DTHD1: variants seen among roughly 807,000 people sequenced by gnomAD.
The protein encoded by DTHD1 is death domain-containing protein 1.
A neutral mutation model predicts 74.8 loss-of-function variants in DTHD1; 59 were observed. The observed-to-expected ratio is 0.79, with a 90% CI of 0.64 to 0.98. The LOEUF is 0.98. Ranked by LOEUF, DTHD1 falls within the 50% of genes least tolerant of loss-of-function variation. The pLI, the probability that DTHD1 is intolerant of heterozygous loss-of-function variation, is 0.00. For synonymous variants in DTHD1, 365 were observed against 371.1 expected, an observed-to-expected ratio of 0.98 and a Z score of 0.19; for missense variants, 1,051 against 1,065.4, an observed-to-expected ratio of 0.99 and a Z score of 0.19.
chr4:36,336,270 T>C (rs913935702), intron 8 of DTHD1, among the ~76,000 whole-genome samples: 1 of 152,166 alleles, frequency 6.6e-6, no homozygotes, highest in Non-Finnish European at 1.5e-5. Flanking sequence ...ATATGCAACA[T>C]TAACATAAAA....
chr4:36,284,984 C>A (rs1755616587), intron 2 of DTHD1, among the ~76,000 whole-genome samples: 1 of 152,126 alleles, frequency 6.6e-6, no homozygotes, highest in Non-Finnish European at 1.5e-5. Context: ...GATTTCAATG[C>A]ATGAATTTTG....
At chr4:36,343,412 G>C in intron 9 of DTHD1, 90 bp from the exon 10 acceptor site, 5 of 1,252,868 alleles carry the variant, frequency 4.0e-6, no homozygotes, top group Non-Finnish European at 5.4e-6. Flanking sequence ...AAAGAGCAGG[G>C]AGACTTCCTA....
chr4:36,281,928 C>A lies in DTHD1; in HGVS notation c.170C>A (p.Ala57Asp). Residue 57 changes from alanine (A) to aspartate (D), a missense_variant, in exon 1 of 10, where the codon GCC becomes GAC. By Grantham distance (126) the Ala-to-Asp change is moderately radical (BLOSUM62 -2). Transcript: ENST00000639862. ...TTTCTGGGTCAGGAACTCAGCAGTG[C>A]CCTTCACCAGCTGCTGGAGCACACC... Reference protein sequence around the residue: ...VVFLGQELSSALHQLLEHTSG... With the variant: ...VVFLGQELSSDLHQLLEHTSG... 1 of 1,350,662 alleles carries A rather than the reference C, an allele frequency of 7.4e-7. No homozygotes were observed. The highest frequency in any genetic ancestry group is 9.6e-7 in the Non-Finnish European group (1 of 1,043,956). 83.7% of individuals were successfully genotyped at this position (1,350,662 alleles called of 1,614,324 possible).
chr4:36,314,648 G>T (rs143805018), intron 7 of DTHD1, among the ~76,000 whole-genome samples: 45 of 151,700 alleles, frequency 3.0e-4, no homozygotes, highest in African/African-American at 1.0e-3. Context: ...TGCCACTGTG[G>T]AGCTGTGTCA....
chr4:36,293,530 C>G lies in DTHD1; in HGVS notation c.1223C>G (p.Thr408Ser), dbSNP rs765224946. The change falls in exon 4 of 10, where the codon ACC becomes AGC. Residue 408 changes from threonine (T) to serine (S), a missense_variant. Thr to Ser is a moderately conservative substitution (Grantham distance 58). Transcript: ENST00000639862. ...LEGMKGGYKGTCASVKVYKLG... is the reference protein window; with the variant it reads ...LEGMKGGYKGSCASVKVYKLG... Reference sequence around the variant, plus strand: ...AATGTTCTTTATTCTATACAGGGGACCTGTGCTTCAGTAAAAGTTTACAAA... The same window carrying G: ...AATGTTCTTTATTCTATACAGGGGAGCTGTGCTTCAGTAAAAGTTTACAAA... 1.0e-5 allele frequency: 16 copies of G among 1,537,222 alleles called. No individual in the cohort carries two copies. In the East Asian group the frequency reaches 3.9e-4, roughly 38 times the overall value.
intron 3 of DTHD1, among the ~76,000 whole-genome samples, chr4:36,291,692 G>T (rs1164540931): frequency 6.6e-6 from 1 of 152,178 alleles, no homozygotes; most frequent in Non-Finnish European, 1.5e-5. Flanking sequence ...GCTGGGCCTG[G>T]TAGTGCATGT....
intron 2 of DTHD1, among the ~76,000 whole-genome samples, chr4:36,286,112 T>C (rs1044094684): frequency 5.9e-5 from 9 of 152,240 alleles, no homozygotes; most frequent in African/African-American, 2.2e-4. Context: ...GGTCAGAGTC[T>C]GATGAATTCT....
At chr4:36,300,636 A>T (rs147964610) in intron 5 of DTHD1, among the ~76,000 whole-genome samples, 11 of 151,422 alleles carry the variant, frequency 7.3e-5, no homozygotes, top group Non-Finnish European at 1.2e-4. Context: ...TACACTAAAG[A>T]TTATTCTAAA....
At chr4:36,285,157 C>G (rs980869699) in intron 2 of DTHD1, among the ~76,000 whole-genome samples, 2 of 152,014 alleles carry the variant, frequency 1.3e-5, no homozygotes, top group Admixed American at 1.3e-4. Flanking sequence ...GAAACAAACA[C>G]ATTACATTTT....
chr4:36,291,610 C>T (rs1373021529), intron 3 of DTHD1, among the ~76,000 whole-genome samples: 1 of 152,140 alleles, frequency 6.6e-6, no homozygotes, highest in Non-Finnish European at 1.5e-5. Context: ...GGGCGAATCA[C>T]CTGAGGTTGG....
At chr4:36,293,441 T>G (rs1373084881) in intron 3 of DTHD1, 85 bp from the exon 4 acceptor site, 1 of 1,141,624 alleles carries the variant, frequency 8.8e-7, no homozygotes, top group Non-Finnish European at 1.1e-6. Context: ...GTGTATAGAT[T>G]TTTTTGACAA....
chr4:36,306,099 T>C (rs1757032430), intron 5 of DTHD1, 92 bp from the exon 6 acceptor site: 1 of 1,183,576 alleles, frequency 8.4e-7, no homozygotes. Context: ...AATGAATTGT[T>C]ATTAGATCAT....
chr4:36,310,614 T>C (rs1404221096), intron 7 of DTHD1, among the ~76,000 whole-genome samples: 1 of 152,196 alleles, frequency 6.6e-6, no homozygotes, highest in Admixed American at 6.5e-5. Context: ...TTAATTTTAT[T>C]ATGCCTATTT....
chr4:36,282,251 A>C (rs1003274746), intron 1 of DTHD1, among the ~76,000 whole-genome samples: 1 of 152,226 alleles, frequency 6.6e-6, no homozygotes, highest in African/African-American at 2.4e-5. Flanking sequence ...TTTGGACTTC[A>C]GAAGCAGTTT....
chr4:36,311,297 A>G (rs1174039295), intron 7 of DTHD1: 1 of 152,166 alleles, frequency 6.6e-6, no homozygotes, highest in Non-Finnish European at 1.5e-5. Flanking sequence ...CTGGAGCCTC[A>G]CTGGGTTTTT....
chr4:36,333,311 C>T (rs16992087), intron 8 of DTHD1, among the ~76,000 whole-genome samples: 15,045 of 151,660 alleles, frequency 0.099, 1,265 homozygotes, highest in African/African-American at 0.2. Context: ...AGTTGAGCAC[C>T]GAAGTTCCAC....
rs146029254 is a variant in DTHD1 at position 36,342,902 on chromosome 4, G to A, written c.2399-600G>A. Reference sequence around the variant, plus strand: ...CATCTTGGCCAACAGATGAAACCCCGTCTCTACTAAAAATACAAAAAAAAA... The same window carrying A: ...CATCTTGGCCAACAGATGAAACCCCATCTCTACTAAAAATACAAAAAAAAA... On this transcript the variant is annotated intron_variant, in intron 9 of 9. Coordinates refer to ENST00000639862, the MANE Select transcript of DTHD1 (RefSeq NM_001170700.3). Among the ~76,000 whole-genome samples the A allele has an allele frequency of 4.1e-3, 488 of 120,288 alleles. 4 individuals are homozygous for A. Among genetic ancestry groups the A allele is most frequent in the African/African-American group, 0.016 (462 of 28,144 alleles). 78.9% of individuals were successfully genotyped at this position (120,288 alleles called of 152,430 possible).
intron 4 of DTHD1, 45 bp from the exon 5 acceptor site, chr4:36,294,750 C>T: frequency 1.4e-6 from 2 of 1,467,372 alleles, no homozygotes; most frequent in Non-Finnish European, 1.8e-6. Flanking sequence ...CAATAGTTTG[C>T]ATCTTTTCTA....
intron 6 of DTHD1, 63 bp downstream of exon 6, chr4:36,306,415 A>C: frequency 7.1e-7 from 1 of 1,410,216 alleles, no homozygotes; most frequent in Non-Finnish European, 9.4e-7. Context: ...ACTGGTGTTT[A>C]TAGAAATGGA....
Sources: allele counts gnomAD v4.1 joint callset (sites outside exome capture counted in the v4.1 genomes callset), GRCh38; gene constraint gnomAD v4.1.1; transcripts MANE v1.5; gene names NCBI Gene and HGNC (gene_info 2026-07-23, HGNC 2026-07-21).